The following PDCD2L variants were observed in gnomAD, a reference collection of about 807,000 sequenced individuals.
The protein encoded by PDCD2L is uS5 assembly chaperone PDCD2L.
In PDCD2L, 44 loss-of-function variants were observed where a neutral mutation model predicts 40.4. The ratio of observed to expected loss-of-function variants is 1.09; its 90% confidence interval spans 0.86 to 1.40. The LOEUF is 1.40. Ranked by LOEUF, PDCD2L falls within the 40% of genes most tolerant of loss-of-function variation. PDCD2L has a pLI of 0.00. For missense variants in PDCD2L, 470 were observed against 453.7 expected, an observed-to-expected ratio of 1.04 and a Z score of -0.33; for synonymous variants, 194 against 174.6, an observed-to-expected ratio of 1.11 and a Z score of -0.88.
At position 34,406,420 on chromosome 19, in the gene PDCD2L, C is replaced by G. The variant is rs546493588; in HGVS notation, c.336+1430C>G. 2.0e-5 allele frequency among the ~76,000 whole-genome samples: 3 copies of G among 150,132 alleles called. No individual in the cohort carries two copies. The East Asian group carries it at 5.8e-4, about 29-fold the overall frequency. On this transcript the variant is annotated intron_variant, in intron 3 of 6. Transcript: ENST00000246535. ...TTTTTTTTTGAGACGGAGTCTTGCT[C>G]TGTTGCCCAGGCTGGAGTGCAGTGG...
In PDCD2L at chr19:34,421,515, C is replaced by T; in HGVS notation, c.798-4C>T. 1 of 1,613,920 alleles carries T rather than the reference C, an allele frequency of 6.2e-7. No homozygotes were observed. Among genetic ancestry groups the T allele is most frequent in the Non-Finnish European group, 8.5e-7 (1 of 1,179,912 alleles). ...ATTCGGGGTTCTTTGTTTCCTTGTC[C>T]TAGGTATTCCTGGAGTGGAGAGCCA... is the stretch of plus-strand genomic sequence containing the variant. On this transcript the variant is annotated splice_polypyrimidine_tract_variant and splice_region_variant and intron_variant, in intron 5 of 6. Transcript: ENST00000246535.
intron 5 of PDCD2L, among the ~76,000 whole-genome samples, chr19:34,417,485 G>A (rs964556187): frequency 4.6e-5 from 7 of 151,826 alleles, no homozygotes; most frequent in East Asian, 1.9e-4. Flanking sequence ...GCGGGTGCCT[G>A]TAGTCCCAGC....
intron 5 of PDCD2L, 65 bp downstream of exon 5, chr19:34,413,912 A>C: frequency 9.6e-7 from 1 of 1,038,796 alleles, no homozygotes; most frequent in Non-Finnish European, 1.4e-6. Flanking sequence ...ATTAGTTTGG[A>C]AAACACAGGA....
In PDCD2L at chr19:34,426,141, T is replaced by C. The variant is rs1168190243; in HGVS notation, c.*21T>C. 5 of 1,488,718 alleles carry C rather than the reference T, an allele frequency of 3.4e-6. 1 individual carries two copies. The South Asian group carries it at 4.7e-5, about 14-fold the overall frequency. The allele number at this position is 1,488,718 out of a possible 1,614,324, so 92.2% of individuals were successfully genotyped here. A position where few individuals can be genotyped will look rare whatever the true frequency, so the allele number is the denominator to read the frequency against. ...AGTAGAGCATTTCCTTTTATTAATA[T>C]AAATTAAAACAAATGTTTACATCCA... is the stretch of plus-strand genomic sequence containing the variant. On this transcript the variant is annotated 3_prime_UTR_variant, in exon 7 of 7. Transcript: ENST00000246535.
intron 3 of PDCD2L, among the ~76,000 whole-genome samples, chr19:34,405,302 A>G (rs1398898146): frequency 6.6e-6 from 1 of 150,794 alleles, no homozygotes; most frequent in African/African-American, 2.4e-5. Context: ...ATATGCCACC[A>G]CGCCCGGCTA....
chr19:34,408,402 C>T (rs2075086751), intron 3 of PDCD2L, among the ~76,000 whole-genome samples: 1 of 151,610 alleles, frequency 6.6e-6, no homozygotes, highest in African/African-American at 2.4e-5. Context: ...GTGATCTTGG[C>T]TCACTGCAAC....
In PDCD2L at chr19:34,409,310, C is replaced by T. The variant is rs149874822; in HGVS notation, c.486C>T (p.Leu162=). The T allele has an allele frequency of 8.1e-6, 13 of 1,613,874 alleles. No individual in the cohort carries two copies. The highest frequency in any genetic ancestry group is 2.7e-5 in the African/African-American group (2 of 74,878). ...SAKDVDWTAR[L]QDLRLQDAVL... ...AAGACGTAGACTGGACTGCTCGGCT[C>T]CAAGACCTCCGCCTGCAGGATGCTG... The change falls in exon 4 of 7, where the codon CTC becomes CTT. Residue 162 remains leucine, a synonymous_variant. Coordinates refer to ENST00000246535, the MANE Select transcript of PDCD2L (RefSeq NM_032346.2).
At position 34,405,014 on chromosome 19, in the gene PDCD2L, A is replaced by G. The variant is rs764940357; in HGVS notation, c.336+24A>G. 5 of 1,612,476 alleles carry G rather than the reference A, an allele frequency of 3.1e-6. No individual in the cohort carries two copies. In the South Asian group the frequency reaches 4.4e-5, roughly 14 times the overall value. ...AGGTAAAGGTTGTGATTGGCATGTT[A>G]TTGTTTTTCTGTCATTTGAGGATAT... On this transcript the variant is annotated intron_variant, in intron 3 of 6. Coordinates refer to ENST00000246535, the MANE Select transcript of PDCD2L (RefSeq NM_032346.2).
At chr19:34,423,938 T>C (rs546419664) in intron 6 of PDCD2L, among the ~76,000 whole-genome samples, 2 of 152,330 alleles carry the variant, frequency 1.3e-5, no homozygotes, top group East Asian at 3.9e-4. Flanking sequence ...GTAATAGCTT[T>C]AAGGAGGGCT....
chr19:34,406,040 G>A (rs758483024), intron 3 of PDCD2L, among the ~76,000 whole-genome samples: 1 of 152,210 alleles, frequency 6.6e-6, no homozygotes, highest in African/African-American at 2.4e-5. Flanking sequence ...TACTCAGGAG[G>A]CTGAGGTAGG....
intron 5 of PDCD2L, chr19:34,421,303 A>G (rs2075149570): frequency 3.6e-6 from 2 of 560,250 alleles, no homozygotes; most frequent in East Asian, 6.0e-5. Flanking sequence ...CTTTACCTAG[A>G]TTCAGTTGAA....
chr19:34,405,029 T>A (rs761847664), intron 3 of PDCD2L, 39 bp downstream of exon 3: 1 of 1,608,240 alleles, frequency 6.2e-7, no homozygotes. Context: ...TTTTCTGTCA[T>A]TTGAGGATAT....
intron 5 of PDCD2L, among the ~76,000 whole-genome samples, chr19:34,415,361 G>A (rs1314851016): frequency 2.0e-5 from 3 of 151,978 alleles, no homozygotes; most frequent in Non-Finnish European, 4.4e-5. Flanking sequence ...TGATCTGCCC[G>A]CTTCAGCCTC....
At chr19:34,410,931 C>CG (rs2075099689) in intron 4 of PDCD2L, among the ~76,000 whole-genome samples, 1 of 149,664 alleles carries the variant, frequency 6.7e-6, no homozygotes, top group African/African-American at 2.5e-5. Context: ...ACTACAGGTG[C>CG]GCGCCACCAC....
chr19:34,410,105 T>C (rs994709545), intron 4 of PDCD2L, among the ~76,000 whole-genome samples: 33 of 152,190 alleles, frequency 2.2e-4, no homozygotes, highest in South Asian at 2.1e-4. Flanking sequence ...TTTTTGCTTA[T>C]TGATTGACTG....
chr19:34,410,424 G>A (rs2075096722), intron 4 of PDCD2L, among the ~76,000 whole-genome samples: 1 of 152,000 alleles, frequency 6.6e-6, no homozygotes, highest in South Asian at 2.1e-4. Context: ...GCTAATTTTT[G>A]TATTTTTAGT....
chr19:34,404,629 C>A lies in PDCD2L; in HGVS notation c.109-20C>A. The A allele has an allele frequency of 6.2e-7, 1 of 1,605,678 alleles. No homozygotes were observed. On this transcript the variant is annotated intron_variant, in intron 1 of 6. Coordinates refer to ENST00000246535, the MANE Select transcript of PDCD2L (RefSeq NM_032346.2). Reference sequence around the variant, plus strand: ...GTCCTGGGGGGAGTCGGGGTCTGAGCGCCTCCTCTGTCCCCTCAGGATGCT... The same window carrying A: ...GTCCTGGGGGGAGTCGGGGTCTGAGAGCCTCCTCTGTCCCCTCAGGATGCT...
chr19:34,417,557 G>A (rs991010978), intron 5 of PDCD2L, among the ~76,000 whole-genome samples: 12 of 151,608 alleles, frequency 7.9e-5, no homozygotes, highest in Admixed American at 3.3e-4. Flanking sequence ...GCAGTCGACC[G>A]AGACTGCGCC....
chr19:34,411,182 TAG>T (rs2075101250), intron 4 of PDCD2L, among the ~76,000 whole-genome samples: 1 of 147,018 alleles, frequency 6.8e-6, no homozygotes, highest in African/African-American at 2.6e-5. Flanking sequence ...TTTTTTTTTT[TAG>T]AGATGGGATC....
Sources: gnomAD v4.1 joint callset for allele counts (sites outside exome capture counted in the v4.1 genomes callset) on GRCh38, gnomAD v4.1.1 for gene constraint, MANE v1.5 for transcripts, NCBI Gene and HGNC (gene_info 2026-07-23, HGNC 2026-07-21) for gene names.